Variants in BABAM2 observed in about 807,000 individuals in gnomAD.
BABAM2 encodes BRISC and BRCA1 A complex member 2.
A neutral mutation model predicts 54.7 loss-of-function variants in BABAM2; 31 were observed. That is an observed-to-expected ratio of 0.57 (90% CI 0.43 to 0.77). The LOEUF is 0.77. Among genes scored for constraint, BABAM2 ranks in the 30% least tolerant of loss-of-function variants. The pLI is 0.00. For missense variants in BABAM2, 364 were observed against 455.8 expected (o/e 0.80, Z 1.83); for synonymous variants, 167 against 162.9 (o/e 1.03, Z -0.19).
chr2:28,298,585 C>A, intron 11 of BABAM2, 94 bp downstream of exon 11: 2 of 1,427,366 alleles, frequency 1.4e-6, no homozygotes, highest in Non-Finnish European at 9.6e-7. Context: ...TAGTTCCTGC[C>A]CTGTGCATGT....
intron 3 of BABAM2, among the ~76,000 whole-genome samples, chr2:27,982,171 G>A (rs1322669806): frequency 6.6e-6 from 1 of 152,028 alleles, no homozygotes; most frequent in African/African-American, 2.4e-5. Flanking sequence ...AGAAATACCT[G>A]TTCAGACCCT....
At position 28,286,485 on chromosome 2, in the gene BABAM2, G is replaced by T. The variant is rs374491189; in HGVS notation, c.935-11853G>T. 3.3e-5 allele frequency among the ~76,000 whole-genome samples: 5 copies of T among 152,108 alleles called. No individual in the cohort carries two copies. The East Asian group carries it at 5.8e-4, about 18-fold the overall frequency. ...CCAGAGCCTCTCTGCTCCAGCTTCT[G>T]TCCTCCAGCCTGTATTCCGTCTACC... is the stretch of plus-strand genomic sequence containing the variant. On this transcript the variant is annotated intron_variant, in intron 10 of 11. Coordinates refer to ENST00000379624, the MANE Select transcript of BABAM2 (RefSeq NM_199191.3).
At chr2:27,981,325 C>T (rs1671983101) in intron 3 of BABAM2, among the ~76,000 whole-genome samples, 1 of 151,900 alleles carries the variant, frequency 6.6e-6, no homozygotes, top group South Asian at 2.1e-4. Context: ...CAATTTTTTG[C>T]ATGAGATTAA....
chr2:28,132,429 C>T (rs1670170912), intron 7 of BABAM2, among the ~76,000 whole-genome samples: 1 of 152,114 alleles, frequency 6.6e-6, no homozygotes, highest in Non-Finnish European at 1.5e-5. Flanking sequence ...TGAGCCACCA[C>T]GCCTGGCCTC....
chr2:27,972,474 T>G (rs1671287587), intron 3 of BABAM2, among the ~76,000 whole-genome samples: 3 of 152,206 alleles, frequency 2.0e-5, no homozygotes, highest in Admixed American at 2.0e-4. Flanking sequence ...TTACCTTCCC[T>G]TCATTCCCTT....
At chr2:28,327,877 G>A (rs1170850694) in intron 11 of BABAM2, among the ~76,000 whole-genome samples, 1 of 152,234 alleles carries the variant, frequency 6.6e-6, no homozygotes, top group Non-Finnish European at 1.5e-5. Context: ...GACCAGGCAT[G>A]CTCAGGGGTT....
chr2:28,331,865 C>T (rs144862337), intron 11 of BABAM2, among the ~76,000 whole-genome samples: 7,097 of 152,224 alleles, frequency 0.047, 218 homozygotes, highest in South Asian at 0.096. Context: ...GATACATGCA[C>T]GCATATGTTC....
intron 6 of BABAM2, among the ~76,000 whole-genome samples, chr2:28,122,930 T>A (rs530849025): frequency 9.8e-5 from 15 of 152,328 alleles, no homozygotes; most frequent in Non-Finnish European, 1.8e-4. Context: ...AGTTTTTTTT[T>A]AAATAAAATC....
intron 10 of BABAM2, among the ~76,000 whole-genome samples, chr2:28,250,683 T>C (rs1429095061): frequency 6.6e-6 from 1 of 150,720 alleles, no homozygotes; most frequent in African/African-American, 2.4e-5. Flanking sequence ...CACAGCAACC[T>C]CCGCCTCCCA....
intron 11 of BABAM2, among the ~76,000 whole-genome samples, chr2:28,333,032 G>C (rs749903389): frequency 6.6e-6 from 1 of 152,016 alleles, no homozygotes; most frequent in Non-Finnish European, 1.5e-5. Context: ...TTCCCGCTTC[G>C]GCACACACGC....
chr2:28,057,131 A>G (rs1678493107), intron 6 of BABAM2, among the ~76,000 whole-genome samples: 1 of 152,168 alleles, frequency 6.6e-6, no homozygotes, highest in African/African-American at 2.4e-5. Flanking sequence ...CTCTTTAGGG[A>G]GTGTTCCAGA....
intron 11 of BABAM2, among the ~76,000 whole-genome samples, chr2:28,316,651 C>T (rs1415012476): frequency 3.9e-5 from 6 of 152,098 alleles, no homozygotes; most frequent in African/African-American, 1.4e-4. Context: ...TCATAGAATA[C>T]GAGCACGTCT....
intron 6 of BABAM2, among the ~76,000 whole-genome samples, chr2:28,122,084 C>T (rs562336840): frequency 2.0e-5 from 3 of 152,000 alleles, no homozygotes; most frequent in Admixed American, 6.6e-5. Context: ...GCCATGGTGG[C>T]GGGCACCTGT....
At chr2:27,888,971 G>A (rs1257248759), upstream of BABAM2, among the ~76,000 whole-genome samples, 1 of 152,116 alleles carries the variant, frequency 6.6e-6, no homozygotes, top group African/African-American at 2.4e-5. Context: ...TTTTATCTTG[G>A]CACAGTGTCT....
chr2:28,318,490 T>TCAA (rs1689755678), intron 11 of BABAM2, among the ~76,000 whole-genome samples: 1 of 152,134 alleles, frequency 6.6e-6, no homozygotes, highest in Non-Finnish European at 1.5e-5. Context: ...AACTAGATAA[T>TCAA]CTCTAGGGTT....
At chr2:28,219,039 A>G (rs1285578154) in intron 7 of BABAM2, among the ~76,000 whole-genome samples, 1 of 152,234 alleles carries the variant, frequency 6.6e-6, no homozygotes, top group Non-Finnish European at 1.5e-5. Flanking sequence ...ATTACCACAA[A>G]TTTAGCAGCT....
At chr2:28,067,778 AG>A (rs1454288641) in intron 6 of BABAM2, among the ~76,000 whole-genome samples, 1 of 152,250 alleles carries the variant, frequency 6.6e-6, no homozygotes, top group Non-Finnish European at 1.5e-5. Flanking sequence ...AGTGATCCAC[AG>A]GTAGCAGTAC....
intron 10 of BABAM2, among the ~76,000 whole-genome samples, chr2:28,286,234 G>A (rs1346293926): frequency 1.3e-5 from 2 of 152,066 alleles, no homozygotes; most frequent in Admixed American, 6.5e-5. Flanking sequence ...GATTACAGGC[G>A]TGAGCCACCG....
chr2:28,237,346 T>C (rs768047295), intron 8 of BABAM2, 45 bp downstream of exon 8: 10 of 1,546,116 alleles, frequency 6.5e-6, no homozygotes, highest in Non-Finnish European at 8.9e-6. Flanking sequence ...GATTTCTTCC[T>C]CCAGTCCACC....
Sources: allele counts gnomAD v4.1 joint callset (sites outside exome capture counted in the v4.1 genomes callset), GRCh38; gene constraint gnomAD v4.1.1; transcripts MANE v1.5; gene names NCBI Gene and HGNC (gene_info 2026-07-23, HGNC 2026-07-21).